The following ADGRB3 variants were observed in gnomAD, a reference collection of about 807,000 sequenced individuals.
The protein encoded by ADGRB3 is adhesion G protein-coupled receptor B3, also known as brain-specific angiogenesis inhibitor 3.
A neutral mutation model predicts 193.4 loss-of-function variants in ADGRB3; 37 were observed. That is an observed-to-expected ratio of 0.19 (90% CI 0.15 to 0.25). ADGRB3 has a LOEUF of 0.25. ADGRB3 is among the 10% of genes least tolerant of loss of function. ADGRB3 has a pLI of 1.00. For missense variants in ADGRB3, 1,637 were observed against 1,852.9 expected, an observed-to-expected ratio of 0.88 and a Z score of 2.14; for synonymous variants, 690 against 644.2, an observed-to-expected ratio of 1.07 and a Z score of -1.08.
chr6:68,700,936 G>A (rs1463950838), intron 3 of ADGRB3, among the ~76,000 whole-genome samples: 1 of 151,892 alleles, frequency 6.6e-6, no homozygotes, highest in Non-Finnish European at 1.5e-5. Flanking sequence ...AAACCTGCAC[G>A]TTGTGCACAT....
intron 11 of ADGRB3, among the ~76,000 whole-genome samples, chr6:69,008,464 G>A (rs1414535795): frequency 2.0e-5 from 3 of 152,128 alleles, no homozygotes; most frequent in Non-Finnish European, 4.4e-5. Context: ...TATTGATAAT[G>A]ATTTCTAGTG....
At chr6:68,810,856 C>T (rs1388255984) in intron 3 of ADGRB3, among the ~76,000 whole-genome samples, 5 of 152,006 alleles carry the variant, frequency 3.3e-5, no homozygotes, top group African/African-American at 1.2e-4. Flanking sequence ...AGGCAATGGA[C>T]ACTGGTAGAA....
At chr6:69,101,459 T>TGTGTGTAC (rs1773054281) in intron 17 of ADGRB3, among the ~76,000 whole-genome samples, 2 of 151,318 alleles carry the variant, frequency 1.3e-5, no homozygotes, top group Non-Finnish European at 2.9e-5. Context: ...TGTGTGTGTG[T>TGTGTGTAC]GTACTGCAGA....
In ADGRB3 at chr6:69,327,902, A is replaced by G. The variant is rs1157904424; in HGVS notation, c.3035+13A>G. Reference sequence around the variant, plus strand: ...GCACTGATCACTAGTAAGTCCATCCACAGAGATAAATCATGTTTATAATTT... The same window carrying G: ...GCACTGATCACTAGTAAGTCCATCCGCAGAGATAAATCATGTTTATAATTT... On this transcript the variant is annotated intron_variant, in intron 22 of 31. Transcript: ENST00000370598. 6.3e-7 allele frequency: 1 copy of G among 1,590,722 alleles called. No homozygotes were observed. Among genetic ancestry groups the G allele is most frequent in the South Asian group, 1.1e-5 (1 of 89,034 alleles).
At chr6:69,294,620 T>G (rs1321254590) in intron 20 of ADGRB3, among the ~76,000 whole-genome samples, 2 of 152,148 alleles carry the variant, frequency 1.3e-5, no homozygotes, top group Non-Finnish European at 2.9e-5. Flanking sequence ...TGTTAGCTCT[T>G]AAAATAAGAC....
At chr6:68,862,829 C>T (rs973748162) in intron 3 of ADGRB3, among the ~76,000 whole-genome samples, 1 of 152,068 alleles carries the variant, frequency 6.6e-6, no homozygotes. Flanking sequence ...ATTGCTTCCT[C>T]TTGATTACCA....
At chr6:69,360,383 G>C (rs1472883722) in intron 28 of ADGRB3, among the ~76,000 whole-genome samples, 1 of 151,806 alleles carries the variant, frequency 6.6e-6, no homozygotes, top group Non-Finnish European at 1.5e-5. Context: ...TGATCCAGTA[G>C]GATGAAGTTC....
At chr6:69,250,203 G>C (rs1017293057) in intron 20 of ADGRB3, among the ~76,000 whole-genome samples, 1 of 152,074 alleles carries the variant, frequency 6.6e-6, no homozygotes, top group Non-Finnish European at 1.5e-5. Flanking sequence ...GATCTTATTT[G>C]TATCTGTTTT....
intron 11 of ADGRB3, among the ~76,000 whole-genome samples, chr6:69,007,954 C>G: frequency 6.6e-6 from 1 of 152,074 alleles, no homozygotes; most frequent in East Asian, 1.9e-4. Context: ...TCCCTTGTTG[C>G]TGCATCCTCT....
chr6:69,077,453 T>A lies in ADGRB3; in HGVS notation c.2480+1415T>A, dbSNP rs565069651. 1.1e-3 allele frequency among the ~76,000 whole-genome samples: 162 copies of A among 152,106 alleles called. 5 individuals carry two copies. In the South Asian group the frequency reaches 0.027, roughly 25 times the overall value. On this transcript the variant is annotated intron_variant, in intron 17 of 31. Coordinates refer to ENST00000370598, the MANE Select transcript of ADGRB3 (RefSeq NM_001704.3). ...TTGACTTAGTTTTATTATTATTATT[T>A]TTTTTTACTGGGTAGAATCTGCTTC...
chr6:69,126,937 A>T (rs913371266), intron 17 of ADGRB3, among the ~76,000 whole-genome samples: 1 of 152,194 alleles, frequency 6.6e-6, no homozygotes, highest in Non-Finnish European at 1.5e-5. Flanking sequence ...CTTCTTCCCT[A>T]GTAGAATATG....
At chr6:68,982,947 C>G (rs1048551898) in intron 10 of ADGRB3, among the ~76,000 whole-genome samples, 1 of 152,082 alleles carries the variant, frequency 6.6e-6, no homozygotes, top group Non-Finnish European at 1.5e-5. Context: ...CAGAAAAGAT[C>G]TCTACTTTCT....
intron 3 of ADGRB3, among the ~76,000 whole-genome samples, chr6:68,672,521 TAATG>T (rs2127294560): frequency 6.6e-6 from 1 of 152,168 alleles, no homozygotes; most frequent in African/African-American, 2.4e-5. Context: ...AAATTTAACT[TAATG>T]AATGGATAAG....
chr6:69,321,547 T>A (rs1423535457), intron 20 of ADGRB3, among the ~76,000 whole-genome samples: 1 of 151,696 alleles, frequency 6.6e-6, no homozygotes, highest in East Asian at 1.9e-4. Flanking sequence ...AACCTCGTCA[T>A]GGAAAAGGAG....
chr6:68,708,512 C>A (rs1321823379), intron 3 of ADGRB3, among the ~76,000 whole-genome samples: 1 of 152,014 alleles, frequency 6.6e-6, no homozygotes, highest in Non-Finnish European at 1.5e-5. Flanking sequence ...AGTGAAATTT[C>A]CTAAAGGGCC....
chr6:68,714,097 AT>A (rs915011698), intron 3 of ADGRB3, among the ~76,000 whole-genome samples: 2 of 151,708 alleles, frequency 1.3e-5, no homozygotes, highest in African/African-American at 4.8e-5. Flanking sequence ...CTTTGTACTC[AT>A]TTTTTTAACT....
At chr6:68,663,258 G>T (rs1360578133) in intron 3 of ADGRB3, among the ~76,000 whole-genome samples, 1 of 151,398 alleles carries the variant, frequency 6.6e-6, no homozygotes, top group African/African-American at 2.4e-5. Context: ...TTAGTACTCT[G>T]CTCCATTAGA....
At chr6:69,116,863 G>A (rs961002358) in intron 17 of ADGRB3, among the ~76,000 whole-genome samples, 2 of 152,202 alleles carry the variant, frequency 1.3e-5, no homozygotes, top group South Asian at 4.1e-4. Flanking sequence ...TGGCTGATAT[G>A]CATGCTTCAT....
At chr6:68,956,299 ATATGTGTG>A in intron 7 of ADGRB3, 111 bp downstream of exon 7, 1 of 929,472 alleles carries the variant, frequency 1.1e-6, no homozygotes, top group Non-Finnish European at 1.5e-6. Flanking sequence ...CATTATATAT[ATATGTGTG>A]TGTGTGTGTG....
Sources: gnomAD v4.1 joint callset for allele counts (sites outside exome capture counted in the v4.1 genomes callset) on GRCh38, gnomAD v4.1.1 for gene constraint, MANE v1.5 for transcripts, NCBI Gene and HGNC (gene_info 2026-07-23, HGNC 2026-07-21) for gene names.